PCDH11X: variants seen among roughly 807,000 people sequenced by gnomAD.
PCDH11X encodes the protein protocadherin-11 X-linked.
Under a neutral mutation model 53.3 loss-of-function variants are expected in PCDH11X, and 18 were observed. That is an observed-to-expected ratio of 0.34 (90% CI 0.23 to 0.50). PCDH11X has a LOEUF of 0.50. PCDH11X is among the 20% of genes least tolerant of loss of function. PCDH11X has a pLI of 0.98. For missense variants in PCDH11X, 570 were observed against 1,032.4 expected, an observed-to-expected ratio of 0.55 and a Z score of 6.14; for synonymous variants, 279 against 393.3, an observed-to-expected ratio of 0.71 and a Z score of 3.44.
intron 10 of PCDH11X, among the ~76,000 whole-genome samples, chrX:92,588,320 A>G (rs1250839250): frequency 5.9e-5 from 6 of 100,950 alleles, no homozygotes; most frequent in Admixed American, 1.1e-4. Context: ...TGCATTGTTT[A>G]AAATTGATTT....
intron 8 of PCDH11X, among the ~76,000 whole-genome samples, chrX:92,351,613 A>G (rs1346452923): frequency 8.9e-6 from 1 of 111,763 alleles, no homozygotes; most frequent in East Asian, 2.8e-4. Flanking sequence ...ATTTTTTAAC[A>G]CAGTTAAATA....
At chrX:92,234,616 A>G (rs989287227) in intron 7 of PCDH11X, among the ~76,000 whole-genome samples, 4 of 111,751 alleles carry the variant, frequency 3.6e-5, no homozygotes, top group Non-Finnish European at 7.5e-5. Flanking sequence ...CACTTTATGA[A>G]AAAGCTCAGA....
chrX:92,259,827 C>T (rs911530730), intron 7 of PCDH11X, among the ~76,000 whole-genome samples: 3 of 111,153 alleles, frequency 2.7e-5, no homozygotes, highest in African/African-American at 6.6e-5. Flanking sequence ...CTGCCAGGAT[C>T]GGGTCCTTTC....
At chrX:92,521,585 A>T (rs2074370906) in intron 10 of PCDH11X, among the ~76,000 whole-genome samples, 1 of 112,082 alleles carries the variant, frequency 8.9e-6, no homozygotes, top group Non-Finnish European at 1.9e-5. Flanking sequence ...TTTCAACTTA[A>T]AGTTGTCAAA....
chrX:92,508,090 C>T (rs1460210009), intron 10 of PCDH11X, among the ~76,000 whole-genome samples: 2 of 111,571 alleles, frequency 1.8e-5, no homozygotes, highest in African/African-American at 3.3e-5. Context: ...GCTGGGATTA[C>T]AGGCGTGAGC....
At chrX:92,494,519 G>A (rs1372363249) in intron 10 of PCDH11X, among the ~76,000 whole-genome samples, 2 of 111,023 alleles carry the variant, frequency 1.8e-5, no homozygotes, top group East Asian at 5.7e-4. Context: ...CTTCCACTTT[G>A]TTTCAGGAAA....
chrX:91,955,731 AT>A (rs907822589), intron 6 of PCDH11X, among the ~76,000 whole-genome samples: 2 of 112,231 alleles, frequency 1.8e-5, no homozygotes, highest in Non-Finnish European at 1.9e-5. Flanking sequence ...AAGAATGTAT[AT>A]TCTGTTGAAT....
In PCDH11X at chrX:91,970,962, C is replaced by G. The variant is rs777690468; in HGVS notation, c.3033+91689C>G. Reference sequence around the variant, plus strand: ...AATTGAAAGGCATTGTCAACCATAGCGTCATGCAGATGCTACTTAATATAA... The same window carrying G: ...AATTGAAAGGCATTGTCAACCATAGGGTCATGCAGATGCTACTTAATATAA... On this transcript the variant is annotated intron_variant, in intron 6 of 10. Transcript: ENST00000682573. Among the ~76,000 whole-genome samples, 76 of 110,874 alleles carry G rather than the reference C, an allele frequency of 6.9e-4. 1 individual carries two copies. Among genetic ancestry groups the G allele is most frequent in the African/African-American group, 2.4e-3 (74 of 30,508 alleles).
chrX:92,112,065 T>C (rs1374070817), intron 6 of PCDH11X, among the ~76,000 whole-genome samples: 3 of 103,331 alleles, frequency 2.9e-5, no homozygotes, highest in Non-Finnish European at 5.8e-5. Context: ...CCTCTAATGC[T>C]CATTTTTCTA....
At chrX:92,073,990 C>CTAAGTTCA (rs1345600958) in intron 6 of PCDH11X, among the ~76,000 whole-genome samples, 1 of 111,832 alleles carries the variant, frequency 8.9e-6, no homozygotes, top group African/African-American at 3.2e-5. Flanking sequence ...TTGATGCTCA[C>CTAAGTTCA]TAAGTTCATT....
intron 8 of PCDH11X, among the ~76,000 whole-genome samples, chrX:92,346,486 A>G (rs2069899022): frequency 9.0e-6 from 1 of 111,221 alleles, no homozygotes; most frequent in Non-Finnish European, 1.9e-5. Flanking sequence ...TAATATAAAT[A>G]AAACCTGCAC....
intron 7 of PCDH11X, among the ~76,000 whole-genome samples, chrX:92,212,121 TG>T (rs1375298244): frequency 1.9e-5 from 2 of 106,354 alleles, no homozygotes; most frequent in Non-Finnish European, 3.9e-5. Flanking sequence ...AAGCAATTCT[TG>T]TACATTAGCC....
intron 8 of PCDH11X, among the ~76,000 whole-genome samples, chrX:92,375,168 T>TATATATATATTTTC (rs2070720461): frequency 1.5e-4 from 1 of 6,604 alleles, no homozygotes; most frequent in Non-Finnish European, 3.2e-4. Context: ...ATATATATAT[T>TATATATATATTTTC]TTTTTTTTTT....
chrX:92,369,683 C>G (rs781634756), intron 8 of PCDH11X, among the ~76,000 whole-genome samples: 5 of 111,764 alleles, frequency 4.5e-5, no homozygotes, highest in Non-Finnish European at 9.4e-5. Flanking sequence ...ATTGCAAAAA[C>G]TATGGGAAAA....
intron 4 of PCDH11X, among the ~76,000 whole-genome samples, chrX:91,832,028 T>G: frequency 9.0e-6 from 1 of 110,788 alleles, no homozygotes; most frequent in Non-Finnish European, 1.9e-5. Context: ...AATTTCCAGT[T>G]ATGAAACACA....
At chrX:92,042,292 A>C (rs2063220544) in intron 6 of PCDH11X, among the ~76,000 whole-genome samples, 1 of 109,442 alleles carries the variant, frequency 9.1e-6, no homozygotes, top group Non-Finnish European at 1.9e-5. Flanking sequence ...CCTTGTCTTG[A>C]ATGAATTATC....
At chrX:92,058,246 C>A (rs1302142000) in intron 6 of PCDH11X, among the ~76,000 whole-genome samples, 1 of 109,663 alleles carries the variant, frequency 9.1e-6, no homozygotes, top group Non-Finnish European at 1.9e-5. Flanking sequence ...TGTGCAGACT[C>A]CAAAAAGGGG....
intron 10 of PCDH11X, among the ~76,000 whole-genome samples, chrX:92,576,870 T>TAA (rs1923043708): frequency 9.0e-6 from 1 of 111,685 alleles, no homozygotes; most frequent in African/African-American, 3.2e-5. Flanking sequence ...TACAGTGTTA[T>TAA]AATATTGTTT....
At chrX:92,382,444 C>T (rs1170139339) in intron 8 of PCDH11X, among the ~76,000 whole-genome samples, 1 of 111,238 alleles carries the variant, frequency 9.0e-6, no homozygotes, top group Non-Finnish European at 1.9e-5. Flanking sequence ...CATGCAGCCT[C>T]TTTGGTGCCA....
Sources: gnomAD v4.1 joint callset for allele counts (sites outside exome capture counted in the v4.1 genomes callset) on GRCh38, gnomAD v4.1.1 for gene constraint, MANE v1.5 for transcripts, NCBI Gene and HGNC (gene_info 2026-07-23, HGNC 2026-07-21) for gene names.